Variants in FBXL17 observed in about 807,000 individuals in gnomAD.
FBXL17 encodes F-box/LRR-repeat protein 17.
Under a neutral mutation model 66.2 loss-of-function variants are expected in FBXL17, and 22 were observed. That is an observed-to-expected ratio of 0.33 (90% confidence interval 0.24 to 0.47). The LOEUF (loss-of-function observed/expected upper bound fraction) is 0.47. Among genes scored for constraint, FBXL17 ranks in the 20% least tolerant of loss-of-function variants. FBXL17 has a pLI of 1.00. For synonymous variants in FBXL17, 474 were observed against 400.5 expected, an observed-to-expected ratio of 1.18 and a Z score of -2.19; for missense variants, 878 against 948.2, an observed-to-expected ratio of 0.93 and a Z score of 0.97.
Position 108,319,934 on chromosome 5 carries a change from G to A in FBXL17, c.1506+28465C>T, listed in dbSNP as rs188532485. 2.6e-4 allele frequency among the ~76,000 whole-genome samples: 40 copies of A among 151,712 alleles called. No individual in the cohort carries two copies. The East Asian group carries it at 5.0e-3, about 19-fold the overall frequency. On this transcript the variant is annotated intron_variant, in intron 4 of 8. Transcript: ENST00000542267. ...AGGTGAAACTGTTTACTAGGGTCCC[G>A]AAATGACTACTTGCCTCGAATATTA... is the stretch of plus-strand genomic sequence containing the variant.
At chr5:108,002,182 A>AT (rs765399250) in intron 7 of FBXL17, among the ~76,000 whole-genome samples, 33,938 of 109,304 alleles carry the variant, frequency 0.31, 5,829 homozygotes, top group East Asian at 0.44. Context: ...CACCCAGCTA[A>AT]TTTTTTTTTT....
At chr5:108,019,693 G>T (rs562204490) in intron 7 of FBXL17, among the ~76,000 whole-genome samples, 35 of 151,960 alleles carry the variant, frequency 2.3e-4, no homozygotes, top group African/African-American at 8.2e-4. Flanking sequence ...AATATGCCGT[G>T]TGTTGGTCAG....
chr5:107,884,733 T>C (rs934189325), intron 7 of FBXL17, among the ~76,000 whole-genome samples: 1 of 152,204 alleles, frequency 6.6e-6, no homozygotes, highest in African/African-American at 2.4e-5. Flanking sequence ...ACATTTAACT[T>C]TTCTGAGTCT....
Position 108,060,119 on chromosome 5 carries a change from T to C in FBXL17, c.1746-39118A>G, listed in dbSNP as rs559622221. ...TGAAGTTTCTATATTTGTAGTAATA[T>C]TATACTAAGTACAAATCTACATGTT... On this transcript the variant is annotated intron_variant, in intron 6 of 8. Transcript: ENST00000542267. Among the ~76,000 whole-genome samples, 185 of 151,408 alleles carry C rather than the reference T, an allele frequency of 1.2e-3. 1 individual carries two copies. The highest frequency in any genetic ancestry group is 4.1e-3 in the African/African-American group (171 of 41,380).
rs572442089 is a variant in FBXL17, at chr5:108,136,662, GT to G, written c.1745+49454del. Among the ~76,000 whole-genome samples the G allele has an allele frequency of 2.0e-5, 3 of 152,186 alleles. No individual in the cohort carries two copies. In the South Asian group the frequency reaches 6.2e-4, roughly 32 times the overall value. On this transcript the variant is annotated intron_variant, in intron 6 of 8. Coordinates refer to ENST00000542267, the MANE Select transcript of FBXL17 (RefSeq NM_001163315.3). ...CATAAAACTGATTCTTCAGAAAAAA[GT>G]TCATAATTATATTAAATTTGCACTG...
intron 4 of FBXL17, among the ~76,000 whole-genome samples, chr5:108,226,430 T>C (rs1055512387): frequency 1.3e-5 from 2 of 152,240 alleles, no homozygotes; most frequent in African/African-American, 4.8e-5. Context: ...TTTTAATATA[T>C]GATTTTTTAA....
intron 2 of FBXL17, among the ~76,000 whole-genome samples, chr5:108,367,247 A>G (rs758812673): frequency 2.0e-4 from 31 of 151,974 alleles, no homozygotes; most frequent in South Asian, 1.5e-3. Context: ...AACACTACAA[A>G]CTCTTTTTTC....
At chr5:107,999,516 ATAC>A (rs758954212) in intron 7 of FBXL17, among the ~76,000 whole-genome samples, 2 of 151,142 alleles carry the variant, frequency 1.3e-5, no homozygotes, top group East Asian at 1.9e-4. Flanking sequence ...TTAAAGTCAA[ATAC>A]TACAACTAGC....
At chr5:107,867,953 C>A (rs769906222) in intron 8 of FBXL17, among the ~76,000 whole-genome samples, 3 of 152,110 alleles carry the variant, frequency 2.0e-5, no homozygotes, top group Non-Finnish European at 4.4e-5. Flanking sequence ...TTTATTTTGG[C>A]AAAATACTTG....
chr5:108,147,842 T>C (rs1055324527), intron 6 of FBXL17, among the ~76,000 whole-genome samples: 5 of 151,940 alleles, frequency 3.3e-5, no homozygotes, highest in Non-Finnish European at 7.4e-5. Context: ...GTTAATTAGA[T>C]TTATAACAAC....
intron 7 of FBXL17, among the ~76,000 whole-genome samples, chr5:107,977,192 C>T (rs947585564): frequency 6.6e-6 from 1 of 152,072 alleles, no homozygotes; most frequent in Non-Finnish European, 1.5e-5. Flanking sequence ...AGTTTAGGGT[C>T]TAGTAAACTG....
At chr5:108,174,840 T>C (rs1252382657) in intron 6 of FBXL17, among the ~76,000 whole-genome samples, 1 of 151,538 alleles carries the variant, frequency 6.6e-6, no homozygotes, top group Non-Finnish European at 1.5e-5. Flanking sequence ...AGTTTCTGGT[T>C]CCTCACTTCT....
chr5:108,088,355 T>C (rs763600284), intron 6 of FBXL17, among the ~76,000 whole-genome samples: 3 of 152,136 alleles, frequency 2.0e-5, no homozygotes, highest in African/African-American at 4.8e-5. Context: ...TTCTAAAGCA[T>C]TATTGTTCCC....
chr5:108,278,682 G>T (rs1473422377), intron 4 of FBXL17, among the ~76,000 whole-genome samples: 1 of 152,192 alleles, frequency 6.6e-6, no homozygotes, highest in Non-Finnish European at 1.5e-5. Context: ...CCAGAACTGG[G>T]GTATAAGTGG....
At chr5:108,218,719 T>C (rs995039179) in intron 5 of FBXL17, among the ~76,000 whole-genome samples, 3 of 152,194 alleles carry the variant, frequency 2.0e-5, no homozygotes, top group Non-Finnish European at 4.4e-5. Flanking sequence ...GCTGGCCACA[T>C]GTATGTCTCT....
chr5:108,339,889 C>A (rs1746760804), intron 4 of FBXL17, among the ~76,000 whole-genome samples: 1 of 152,050 alleles, frequency 6.6e-6, no homozygotes, highest in Non-Finnish European at 1.5e-5. Context: ...GATGAATCCC[C>A]AGAGTTAGTG....
chr5:107,933,557 C>T (rs1414694387), intron 7 of FBXL17, among the ~76,000 whole-genome samples: 1 of 152,100 alleles, frequency 6.6e-6, no homozygotes, highest in Non-Finnish European at 1.5e-5. Context: ...TTATTTCAAA[C>T]ATGCAAGGAA....
intron 1 of FBXL17, among the ~76,000 whole-genome samples, chr5:108,374,035 G>A (rs1749249616): frequency 1.3e-5 from 2 of 152,120 alleles, no homozygotes; most frequent in African/African-American, 4.8e-5. Context: ...GTAAAAGCAT[G>A]GAACAATACA....
At chr5:108,050,583 C>T (rs769216832) in intron 6 of FBXL17, among the ~76,000 whole-genome samples, 3 of 152,010 alleles carry the variant, frequency 2.0e-5, no homozygotes, top group African/African-American at 4.8e-5. Context: ...TAGCACTAAA[C>T]GCCCACATCA....
Sources: allele counts gnomAD v4.1 joint callset (sites outside exome capture counted in the v4.1 genomes callset), GRCh38; gene constraint gnomAD v4.1.1; transcripts MANE v1.5; gene names NCBI Gene and HGNC (gene_info 2026-07-23, HGNC 2026-07-21).